The following LRRN2 variants were observed in gnomAD, a reference collection of about 807,000 sequenced individuals.
LRRN2 encodes the protein leucine-rich repeat neuronal protein 2.
LRRN2 carries 10 observed loss-of-function variants against 35.7 expected under a neutral mutation model. That is an observed-to-expected ratio of 0.28 (90% confidence interval 0.17 to 0.47). LRRN2 has a LOEUF of 0.47. Among genes scored for constraint, LRRN2 ranks in the 20% least tolerant of loss-of-function variants. The probability of loss-of-function intolerance (pLI) is 0.99; values close to 1 mark genes in which losing one functional copy is unlikely to be tolerated. For synonymous variants in LRRN2, 391 were observed against 409.6 expected, an observed-to-expected ratio of 0.95 and a Z score of 0.55; for missense variants, 731 against 940.3, an observed-to-expected ratio of 0.78 and a Z score of 2.91.
At chr1:204,640,612 C>G (rs915243374) in intron 1 of LRRN2, among the ~76,000 whole-genome samples, 1 of 152,134 alleles carries the variant, frequency 6.6e-6, no homozygotes, top group Non-Finnish European at 1.5e-5. Context: ...ACTCTCCTGT[C>G]TCTTCTCTAC....
chr1:204,634,590 G>C (rs1039076244), intron 1 of LRRN2, among the ~76,000 whole-genome samples: 1 of 152,212 alleles, frequency 6.6e-6, no homozygotes, highest in African/African-American at 2.4e-5. Context: ...AAGGTGCCAT[G>C]TGCCACGGAG....
intron 1 of LRRN2, among the ~76,000 whole-genome samples, chr1:204,681,414 C>G (rs1668954390): frequency 6.6e-6 from 1 of 152,148 alleles, no homozygotes; most frequent in South Asian, 2.1e-4. Context: ...CATGTATCAC[C>G]TCATGTAGTC....
intron 1 of LRRN2, among the ~76,000 whole-genome samples, chr1:204,649,781 G>A (rs946670281): frequency 3.3e-5 from 5 of 152,152 alleles, no homozygotes; most frequent in African/African-American, 2.4e-5. Flanking sequence ...ATGGACGTGA[G>A]CCCTCTCCCG....
intron 1 of LRRN2, among the ~76,000 whole-genome samples, chr1:204,659,416 A>C (rs1254064332): frequency 6.6e-6 from 1 of 152,180 alleles, no homozygotes; most frequent in Non-Finnish European, 1.5e-5. Context: ...AGCACCCTGC[A>C]TGGAGCCCGG....
chr1:204,618,914 T>C lies in LRRN2; in HGVS notation c.1079A>G (p.Asn360Ser). 6 of 1,614,028 alleles carry C rather than the reference T, an allele frequency of 3.7e-6. No homozygotes were observed. Among genetic ancestry groups the C allele is most frequent in the East Asian group, 4.5e-5 (2 of 44,872 alleles). The stretch of plus-strand genomic sequence containing the variant: ...GCCGTGGAGACCTACCTCCTGCAGG[T>C]TGGGCAGGGACTCCACCGTCTGCTG... ...LHQQTVESLP[N>S]LQEVGLHGNP... The change falls in exon 2 of 2, where the codon AAC (asparagine) becomes AGC (serine). Residue 360 changes from asparagine to serine, a missense_variant. Physicochemically the swap from Asn to Ser is conservative, Grantham distance 46. This residue lies in a region of LRRN2 where 256 missense variants were observed against 392.4 expected (regional missense o/e 0.65). Transcript: ENST00000367177.
intron 1 of LRRN2, among the ~76,000 whole-genome samples, chr1:204,669,352 C>T (rs1668658665): frequency 6.6e-6 from 1 of 152,104 alleles, no homozygotes; most frequent in South Asian, 2.1e-4. Flanking sequence ...TATTTAAAGA[C>T]CTCTCATGGA....
At chr1:204,675,005 A>G (rs182310586) in intron 1 of LRRN2, among the ~76,000 whole-genome samples, 97 of 152,352 alleles carry the variant, frequency 6.4e-4, no homozygotes, top group African/African-American at 2.3e-3. Flanking sequence ...AATTCATGTA[A>G]GCATCTGGGA....
intron 1 of LRRN2, chr1:204,628,088 C>T (rs1436036220): frequency 6.6e-6 from 1 of 152,158 alleles, no homozygotes; most frequent in African/African-American, 2.4e-5. Context: ...CTCCTTCCTT[C>T]CTGACAGGAA....
intron 1 of LRRN2, among the ~76,000 whole-genome samples, chr1:204,671,996 A>G (rs1303749241): frequency 6.6e-6 from 1 of 152,254 alleles, no homozygotes; most frequent in East Asian, 1.9e-4. Context: ...ATGGACAGAC[A>G]TACAGTTGGA....
At chr1:204,676,093 T>G (rs1668817314) in intron 1 of LRRN2, among the ~76,000 whole-genome samples, 1 of 152,192 alleles carries the variant, frequency 6.6e-6, no homozygotes, top group African/African-American at 2.4e-5. Context: ...CAGATGACCC[T>G]GCAGTTGTCT....
intron 1 of LRRN2, among the ~76,000 whole-genome samples, chr1:204,654,182 A>C (rs1379631897): frequency 1.3e-5 from 2 of 152,196 alleles, no homozygotes; most frequent in Non-Finnish European, 2.9e-5. Context: ...CATACTTGTA[A>C]GTACATGATA....
intron 1 of LRRN2, chr1:204,620,614 A>C (rs778682158): frequency 1.1e-5 from 2 of 174,090 alleles, no homozygotes; most frequent in Non-Finnish European, 2.8e-5. Context: ...AAGGAGCTGC[A>C]GAGGTAATGG....
At chr1:204,650,788 C>T (rs933027848) in intron 1 of LRRN2, among the ~76,000 whole-genome samples, 22 of 152,134 alleles carry the variant, frequency 1.4e-4, no homozygotes, top group Admixed American at 3.3e-4. Flanking sequence ...AACTCAAACA[C>T]AATCTCTCCG....
chr1:204,654,985 G>T (rs1336383159), intron 1 of LRRN2, among the ~76,000 whole-genome samples: 1 of 152,182 alleles, frequency 6.6e-6, no homozygotes, highest in African/African-American at 2.4e-5. Flanking sequence ...AAGAGCTCTG[G>T]GACTACCAGT....
At chr1:204,683,723 A>T (rs1004144002) in intron 1 of LRRN2, among the ~76,000 whole-genome samples, 3 of 152,166 alleles carry the variant, frequency 2.0e-5, no homozygotes, top group Non-Finnish European at 4.4e-5. Flanking sequence ...TGCTTTGCAA[A>T]TAATGAGGAC....
intron 1 of LRRN2, among the ~76,000 whole-genome samples, chr1:204,630,839 CA>C (rs1159220374): frequency 3.9e-5 from 6 of 152,074 alleles, no homozygotes; most frequent in African/African-American, 1.4e-4. Context: ...TACCCATCTC[CA>C]AAGCCAGATG....
At chr1:204,623,949 G>T (rs1212772228) in intron 1 of LRRN2, among the ~76,000 whole-genome samples, 1 of 152,216 alleles carries the variant, frequency 6.6e-6, no homozygotes, top group Non-Finnish European at 1.5e-5. Context: ...TGCCAGGGAG[G>T]CAACTGAGAG....
intron 1 of LRRN2, among the ~76,000 whole-genome samples, chr1:204,654,890 GAC>G (rs1668314972): frequency 6.6e-6 from 1 of 152,138 alleles, no homozygotes; most frequent in Non-Finnish European, 1.5e-5. Flanking sequence ...TACAAATCAG[GAC>G]TTCCCTTCTT....
intron 1 of LRRN2, among the ~76,000 whole-genome samples, chr1:204,657,011 AT>A (rs1201137750): frequency 6.6e-6 from 1 of 152,232 alleles, no homozygotes; most frequent in Non-Finnish European, 1.5e-5. Flanking sequence ...GGATAAAAAA[AT>A]ATGGTATATC....
Sources: allele counts gnomAD v4.1 joint callset (sites outside exome capture counted in the v4.1 genomes callset), GRCh38; gene constraint gnomAD v4.1.1; regional missense constraint gnomAD v4.1.1; transcripts MANE v1.5; gene names NCBI Gene and HGNC (gene_info 2026-07-23, HGNC 2026-07-21).